RPH3AL: variants seen among roughly 807,000 people sequenced by gnomAD.
RPH3AL encodes rab effector Noc2.
A neutral mutation model predicts 43.1 loss-of-function variants in RPH3AL; 38 were observed. The observed-to-expected ratio is 0.88, with a 90% confidence interval of 0.68 to 1.15. The LOEUF (loss-of-function observed/expected upper bound fraction) is 1.15. RPH3AL is among the 50% of genes most tolerant of loss of function. The pLI is 0.00. For missense variants in RPH3AL, 462 were observed against 423.2 expected (o/e 1.09, Z -0.81); for synonymous variants, 189 against 176.3 (o/e 1.07, Z -0.57).
chr17:315,858 G>C (rs1412614099), intron 5 of RPH3AL, among the ~76,000 whole-genome samples: 230 of 141,122 alleles, frequency 1.6e-3, no homozygotes, highest in African/African-American at 5.7e-3. Flanking sequence ...TTGACCTGTA[G>C]TCCCTGTGCC....
intron 6 of RPH3AL, among the ~76,000 whole-genome samples, chr17:257,239 C>T (rs1555544641): frequency 7.9e-5 from 3 of 37,756 alleles, no homozygotes; most frequent in Admixed American, 3.3e-4. Context: ...GACTACCCTA[C>T]GTACTTCCTA....
chr17:229,420 A>T (rs536416398), intron 7 of RPH3AL, among the ~76,000 whole-genome samples: 9 of 152,366 alleles, frequency 5.9e-5, no homozygotes, highest in African/African-American at 2.2e-4. Flanking sequence ...CAAAGACAGC[A>T]GGGCCAGCTG....
intron 8 of RPH3AL, among the ~76,000 whole-genome samples, chr17:216,557 A>G: frequency 6.6e-6 from 1 of 151,510 alleles, no homozygotes; most frequent in Non-Finnish European, 1.5e-5. Context: ...GCTTGGTCAG[A>G]GCTGAGGGTG....
intron 5 of RPH3AL, among the ~76,000 whole-genome samples, chr17:299,622 G>A (rs562301392): frequency 2.2e-4 from 33 of 152,330 alleles, no homozygotes; most frequent in Non-Finnish European, 1.8e-4. Flanking sequence ...ATGTCCCAGC[G>A]GGAAGCACAG....
intron 5 of RPH3AL, among the ~76,000 whole-genome samples, chr17:317,741 T>C (rs550580394): frequency 5.9e-5 from 9 of 152,238 alleles, no homozygotes; most frequent in African/African-American, 9.6e-5. Flanking sequence ...CTTTCCTGCT[T>C]ACTAATTGGG....
At chr17:321,549 G>A (rs375191739) in intron 3 of RPH3AL, 134 bp from the exon 4 acceptor site, 25 of 999,384 alleles carry the variant, frequency 2.5e-5, no homozygotes, top group African/African-American at 2.4e-4. Flanking sequence ...CGACGAGCGC[G>A]GGCAGCAGAG....
intron 7 of RPH3AL, among the ~76,000 whole-genome samples, chr17:241,896 G>A (rs1045020951): frequency 1.3e-5 from 2 of 152,060 alleles, no homozygotes; most frequent in Non-Finnish European, 2.9e-5. Flanking sequence ...CAGGTGAATT[G>A]TTTGAGGCCA....
At chr17:317,023 G>A (rs79672728) in intron 5 of RPH3AL, among the ~76,000 whole-genome samples, 31,860 of 130,568 alleles carry the variant, frequency 0.24, 2,342 homozygotes, top group East Asian at 0.51. Context: ...TAGTCTCTGT[G>A]CTCCACCTCC....
At chr17:312,996 G>T (rs145753530) in intron 5 of RPH3AL, among the ~76,000 whole-genome samples, 18 of 152,324 alleles carry the variant, frequency 1.2e-4, no homozygotes, top group African/African-American at 4.3e-4. Context: ...TGGCATCTGC[G>T]TGGGGACAGT....
At chr17:309,517 TGC>T (rs1400919663) in intron 5 of RPH3AL, among the ~76,000 whole-genome samples, 238 of 23,514 alleles carry the variant, frequency 0.01, no homozygotes, top group East Asian at 0.029. Context: ...TCCCCCGCCC[TGC>T]CCAGGGCTCC....
chr17:270,233 C>T (rs2042430043), intron 6 of RPH3AL, among the ~76,000 whole-genome samples: 1 of 152,150 alleles, frequency 6.6e-6, no homozygotes, highest in Admixed American at 6.5e-5. Flanking sequence ...CAGAGGGGGC[C>T]CTCTGGCAAA....
intron 6 of RPH3AL, among the ~76,000 whole-genome samples, chr17:273,068 C>A (rs62052696): frequency 1.3e-4 from 7 of 53,594 alleles, no homozygotes; most frequent in East Asian, 1.6e-3. Context: ...CCAGCGAGGG[C>A]GACGTCAGGG....
intron 7 of RPH3AL, among the ~76,000 whole-genome samples, chr17:235,660 AGCTGGGGTC>A (rs1317620265): frequency 1.1e-5 from 1 of 94,944 alleles, no homozygotes; most frequent in Non-Finnish European, 2.3e-5. Context: ...CAGGGTTCAA[AGCTGGGGTC>A]AGCGGAGGCT....
At chr17:286,935 G>GCACCCTCTCTCCACCGTCAGACCTCT (rs2042930204) in intron 5 of RPH3AL, among the ~76,000 whole-genome samples, 1 of 69,726 alleles carries the variant, frequency 1.4e-5, no homozygotes, top group Non-Finnish European at 2.7e-5. Context: ...GTCAGACCTC[G>GCACCCTCTCTCCACCGTCAGACCTCT]CACCCTCTCT....
intron 7 of RPH3AL, among the ~76,000 whole-genome samples, chr17:242,882 C>A (rs879832012): frequency 2.7e-5 from 2 of 73,114 alleles, no homozygotes; most frequent in Admixed American, 1.5e-4. Flanking sequence ...CCTCTATTGA[C>A]TACCTTCCTC....
At chr17:327,625 G>C in intron 2 of RPH3AL, 46 bp from the exon 3 acceptor site, 1 of 1,284,804 alleles carries the variant, frequency 7.8e-7, no homozygotes, top group South Asian at 1.2e-5. Flanking sequence ...CATTGGCTGG[G>C]GTACAGATGG....
In RPH3AL at chr17:332,279, C is replaced by T. The variant is rs73971745; in HGVS notation, c.-37+1480G>A. 4.6e-3 allele frequency: 1,186 copies of T among 255,802 alleles called. 18 individuals are homozygous for T. Among genetic ancestry groups the T allele is most frequent in the African/African-American group, 0.023 (1,058 of 45,040 alleles). 15.8% of individuals were successfully genotyped at this position (255,802 alleles called of 1,614,324 possible). ...AGGTAAGAGGCTGGGGAAGGAGGAG[C>T]GTGTGTGTGTGCGCGTGTGTGTGTA... On this transcript the variant is annotated intron_variant, in intron 2 of 9. Transcript: ENST00000331302.
rs1254019978 is a variant in RPH3AL at position 245,899 on chromosome 17, C to CG, written c.613+1211dup. Among the ~76,000 whole-genome samples, 1 of 152,102 alleles carries CG rather than the reference C, an allele frequency of 6.6e-6. No individual in the cohort carries two copies. The highest frequency in any genetic ancestry group is 1.5e-5 in the Non-Finnish European group (1 of 68,012). On this transcript the variant is annotated intron_variant, in intron 7 of 9. Coordinates refer to ENST00000331302, the MANE Select transcript of RPH3AL (RefSeq NM_006987.4). The surrounding 1 kb of genome is among the most constrained non-coding windows in gnomAD (Gnocchi z 5.9). ...CAATGTCTGTCCGTGGCAGCGATGT[C>CG]GGGGGTGAACTCATAGGCAGCAGAG... is the stretch of plus-strand genomic sequence containing the variant.
chr17:272,984 C>T (rs796177171), intron 6 of RPH3AL, among the ~76,000 whole-genome samples: 1,544 of 61,002 alleles, frequency 0.025, 42 homozygotes, highest in African/African-American at 0.032. Context: ...CCAGCAAGGG[C>T]TACGTCAGGG....
Sources: allele counts gnomAD v4.1 joint callset (sites outside exome capture counted in the v4.1 genomes callset), GRCh38; gene constraint gnomAD v4.1.1; non-coding constraint Gnocchi (gnomAD v3.1); transcripts MANE v1.5; gene names NCBI Gene and HGNC (gene_info 2026-07-23, HGNC 2026-07-21).